The following CPQ variants were observed in gnomAD, a reference collection of about 807,000 sequenced individuals.
CPQ encodes the protein carboxypeptidase Q.
In CPQ, 37 loss-of-function variants were observed where a neutral mutation model predicts 45.7. The observed-to-expected ratio is 0.81, with a 90% CI of 0.62 to 1.07. The LOEUF is 1.07. Ranked by LOEUF, CPQ falls within the 50% of genes least tolerant of loss-of-function variation. The pLI, the probability that CPQ is intolerant of heterozygous loss-of-function variation, is 0.00. For missense variants in CPQ, 537 were observed against 572.9 expected (o/e 0.94, Z 0.64); for synonymous variants, 186 against 205.8 (o/e 0.90, Z 0.82).
chr8:96,704,103 C>G (rs1242471557), intron 1 of CPQ, among the ~76,000 whole-genome samples: 1 of 152,120 alleles, frequency 6.6e-6, no homozygotes, highest in Non-Finnish European at 1.5e-5. Context: ...TAAGACAAAG[C>G]CCCTACCCTT....
chr8:96,728,856 A>T (rs2130768653), intron 1 of CPQ, among the ~76,000 whole-genome samples: 1 of 152,282 alleles, frequency 6.6e-6, no homozygotes, highest in East Asian at 1.9e-4. Flanking sequence ...TAAACCATAA[A>T]GGGACTCCTG....
At position 96,697,382 on chromosome 8, in the gene CPQ, A is replaced by T. The variant is rs966791077; in HGVS notation, c.-35+51980A>T. ...AGAATGAACATAGTTCAATGTAATA[A>T]AAGCCATATATGACAGATCTATAGC... On this transcript the variant is annotated intron_variant, in intron 1 of 7. Coordinates refer to ENST00000220763, the MANE Select transcript of CPQ (RefSeq NM_016134.4). Among the ~76,000 whole-genome samples the T allele has an allele frequency of 9.2e-5, 14 of 152,352 alleles. No individual in the cohort carries two copies. The East Asian group carries it at 2.3e-3, about 25-fold the overall frequency.
At chr8:96,662,297 C>T (rs1205502174) in intron 1 of CPQ, among the ~76,000 whole-genome samples, 1 of 151,888 alleles carries the variant, frequency 6.6e-6, no homozygotes, top group African/African-American at 2.4e-5. Context: ...TGTGTATTTT[C>T]AATTTGGAAC....
At chr8:97,065,206 G>A (rs1355049745) in intron 6 of CPQ, among the ~76,000 whole-genome samples, 1 of 145,182 alleles carries the variant, frequency 6.9e-6, no homozygotes, top group Admixed American at 6.6e-5. Context: ...CAGTTTGAAG[G>A]ATCTTAAAGT....
At chr8:96,709,320 C>T (rs755925198) in intron 1 of CPQ, among the ~76,000 whole-genome samples, 13 of 152,132 alleles carry the variant, frequency 8.5e-5, no homozygotes, top group Admixed American at 6.5e-5. Flanking sequence ...TACAGCTTAG[C>T]TCCCACTTAT....
intron 3 of CPQ, among the ~76,000 whole-genome samples, chr8:96,878,364 T>C (rs988709644): frequency 2.2e-4 from 34 of 152,228 alleles, no homozygotes; most frequent in African/African-American, 7.7e-4. Context: ...AATAAGCAAG[T>C]TAATAAAATA....
At chr8:96,780,903 C>T (rs1189930442) in intron 1 of CPQ, among the ~76,000 whole-genome samples, 1 of 151,602 alleles carries the variant, frequency 6.6e-6, no homozygotes, top group Non-Finnish European at 1.5e-5. Context: ...ATGTGTGTGT[C>T]GGAGAGAGAA....
chr8:97,038,808 CA>C (rs1443996088), intron 6 of CPQ, among the ~76,000 whole-genome samples: 1 of 65,282 alleles, frequency 1.5e-5, no homozygotes, highest in Non-Finnish European at 2.9e-5. Flanking sequence ...GGCTGTATTC[CA>C]AAAAAACCGT....
intron 2 of CPQ, among the ~76,000 whole-genome samples, chr8:96,821,301 C>A (rs1165517768): frequency 6.6e-6 from 1 of 151,532 alleles, no homozygotes; most frequent in Non-Finnish European, 1.5e-5. Flanking sequence ...GATATAATCC[C>A]AATTATATAT....
chr8:96,772,986 T>C (rs1810564375), intron 1 of CPQ, among the ~76,000 whole-genome samples: 1 of 152,152 alleles, frequency 6.6e-6, no homozygotes, highest in African/African-American at 2.4e-5. Context: ...TTTTTAAATA[T>C]AAAGAGAGAT....
chr8:96,832,652 G>A (rs1022677529), intron 2 of CPQ, among the ~76,000 whole-genome samples: 6 of 152,184 alleles, frequency 3.9e-5, no homozygotes, highest in African/African-American at 1.4e-4. Flanking sequence ...CAAGAGGCCA[G>A]GGAATGCTCC....
chr8:96,897,817 T>A (rs979149756), intron 4 of CPQ, among the ~76,000 whole-genome samples: 9 of 152,084 alleles, frequency 5.9e-5, no homozygotes, highest in African/African-American at 1.2e-4. Flanking sequence ...GTTTGTTTGG[T>A]TGGTTGGTTT....
At chr8:96,871,519 C>G (rs1452884108) in intron 3 of CPQ, among the ~76,000 whole-genome samples, 1 of 137,192 alleles carries the variant, frequency 7.3e-6, no homozygotes. Flanking sequence ...TAGCTTCAGG[C>G]TTTGCTTCCA....
chr8:97,038,817 C>T (rs1162615057), intron 6 of CPQ, among the ~76,000 whole-genome samples: 4 of 94,690 alleles, frequency 4.2e-5, no homozygotes, highest in Admixed American at 1.4e-4. Context: ...CCAAAAAAAC[C>T]GTATTTACAA....
chr8:96,958,760 C>T (rs1416860017), intron 4 of CPQ, among the ~76,000 whole-genome samples: 1 of 152,066 alleles, frequency 6.6e-6, no homozygotes, highest in Non-Finnish European at 1.5e-5. Flanking sequence ...TGAGTCTAAT[C>T]TGAGTGTCCT....
rs182071887 is a variant in CPQ, at chr8:96,962,054, C to G, written c.850-3881C>G. On this transcript the variant is annotated intron_variant, in intron 4 of 7. Transcript: ENST00000220763. Reference sequence around the variant, plus strand: ...CACTCTCAGACCTACAGCTGGCCTGCAGGTGGATGTATGCCGTTGTCATTC... The same window carrying G: ...CACTCTCAGACCTACAGCTGGCCTGGAGGTGGATGTATGCCGTTGTCATTC... Among the ~76,000 whole-genome samples, 252 of 152,292 alleles carry G rather than the reference C, an allele frequency of 1.7e-3. 3 individuals are homozygous for G. Among genetic ancestry groups the G allele is most frequent in the Admixed American group, 0.013 (194 of 15,290 alleles).
At chr8:96,729,743 G>A (rs3857894) in intron 1 of CPQ, among the ~76,000 whole-genome samples, 80,925 of 151,976 alleles carry the variant, frequency 0.53, 22,919 homozygotes, top group East Asian at 0.86. Flanking sequence ...ATTTCTTAAT[G>A]TCCTGTAGTA....
At chr8:96,834,848 A>G (rs1811505690) in intron 2 of CPQ, 125 bp from the exon 3 acceptor site, 1 of 758,746 alleles carries the variant, frequency 1.3e-6, no homozygotes, top group Non-Finnish European at 2.0e-6. Flanking sequence ...TGGCTCTAAA[A>G]CTTTGATCTT....
intron 5 of CPQ, among the ~76,000 whole-genome samples, chr8:97,022,825 T>C (rs1362768327): frequency 1.3e-5 from 2 of 151,676 alleles, no homozygotes; most frequent in African/African-American, 4.8e-5. Flanking sequence ...GTGGGGAGAT[T>C]CCTTAAAGAA....
Sources: gnomAD v4.1 joint callset for allele counts (sites outside exome capture counted in the v4.1 genomes callset) on GRCh38, gnomAD v4.1.1 for gene constraint, MANE v1.5 for transcripts, NCBI Gene and HGNC (gene_info 2026-07-23, HGNC 2026-07-21) for gene names.